Variants in RAB22A observed in about 807,000 individuals in gnomAD.
RAB22A encodes RAB22A, member RAS oncogene family, also known as ras-related protein Rab-22A.
In RAB22A, 13 loss-of-function variants were observed where a neutral mutation model predicts 30.2. That is an observed-to-expected ratio of 0.43 (90% CI 0.28 to 0.68). The LOEUF is 0.68. Among genes scored for constraint, RAB22A ranks in the 30% least tolerant of loss-of-function variants. RAB22A has a pLI of 0.18. For synonymous variants in RAB22A, 89 were observed against 87.2 expected (o/e 1.02, Z -0.11); for missense variants, 177 against 246.8 (o/e 0.72, Z 1.89).
intron 2 of RAB22A, among the ~76,000 whole-genome samples, chr20:58,340,825 C>T (rs568153232): frequency 6.6e-6 from 1 of 152,240 alleles, no homozygotes; most frequent in South Asian, 2.1e-4. Flanking sequence ...TGTCTATGGT[C>T]ATTAACATTT....
At chr20:58,311,896 A>C (rs1001025550) in intron 2 of RAB22A, among the ~76,000 whole-genome samples, 3 of 152,224 alleles carry the variant, frequency 2.0e-5, no homozygotes, top group Non-Finnish European at 4.4e-5. Flanking sequence ...TTTACAGCCC[A>C]GGAGAGAAAC....
intron 6 of RAB22A, among the ~76,000 whole-genome samples, chr20:58,357,469 G>T (rs1182928033): frequency 1.3e-5 from 2 of 152,126 alleles, no homozygotes; most frequent in Non-Finnish European, 2.9e-5. Flanking sequence ...CATATAATCT[G>T]ACTGATCCTT....
intron 6 of RAB22A, among the ~76,000 whole-genome samples, 160 bp from the exon 7 acceptor site, chr20:58,359,446 C>G (rs1987187168): frequency 6.6e-6 from 1 of 151,374 alleles, no homozygotes; most frequent in African/African-American, 2.4e-5. Flanking sequence ...ATCATCTTTG[C>G]AGCTTTTCTA....
At chr20:58,318,252 T>G (rs1297669755) in intron 2 of RAB22A, among the ~76,000 whole-genome samples, 2 of 152,234 alleles carry the variant, frequency 1.3e-5, no homozygotes, top group Non-Finnish European at 2.9e-5. Flanking sequence ...AAACCTGAAA[T>G]AGTGTTACGA....
chr20:58,314,114 TCTCG>T (rs1435883663), intron 2 of RAB22A, among the ~76,000 whole-genome samples: 1 of 151,624 alleles, frequency 6.6e-6, no homozygotes, highest in Non-Finnish European at 1.5e-5. Context: ...AATGACACGA[TCTCG>T]GCTCACTGCA....
chr20:58,316,111 CTG>C (rs1403752995), intron 2 of RAB22A, among the ~76,000 whole-genome samples: 1 of 152,144 alleles, frequency 6.6e-6, no homozygotes, highest in East Asian at 1.9e-4. Flanking sequence ...TCCTGATTGT[CTG>C]TGCAAACTCA....
chr20:58,328,623 TAACATTGTGTTGTGGATGC>T (rs1986608834), intron 2 of RAB22A, among the ~76,000 whole-genome samples: 1 of 152,190 alleles, frequency 6.6e-6, no homozygotes, highest in Non-Finnish European at 1.5e-5. Context: ...AAAAAGATGA[TAACATTGTGTTGTGGATGC>T]CCTCTTCACA....
intron 6 of RAB22A, among the ~76,000 whole-genome samples, chr20:58,357,201 T>A (rs1987145981): frequency 6.6e-6 from 1 of 152,260 alleles, no homozygotes; most frequent in Admixed American, 6.5e-5. Context: ...TCCATTTTCA[T>A]GACAGTTAAT....
In RAB22A at chr20:58,335,071, A is replaced by G. The variant is rs879822177; in HGVS notation, c.117-8647A>G. ...CGATATAGTCACGCAATTGAATACC[A>G]TCTGGCAATAAAAAAACACTGTAGA... On this transcript the variant is annotated intron_variant, in intron 2 of 6. Coordinates refer to ENST00000244040, the MANE Select transcript of RAB22A (RefSeq NM_020673.3). Among the ~76,000 whole-genome samples the G allele has an allele frequency of 3.3e-5, 5 of 152,344 alleles. No homozygotes were observed. The East Asian group carries it at 9.6e-4, about 29-fold the overall frequency.
In RAB22A at chr20:58,360,915, C is replaced by T. The variant is rs933474528; in HGVS notation, c.*1212C>T. On this transcript the variant is annotated 3_prime_UTR_variant, in exon 7 of 7. Transcript: ENST00000244040. Reference sequence around the variant, plus strand: ...TAGCCTGAGGGTAAAAGATTAAGCTCCAACCTCAAGTCATTTACCTGGTCT... The same window carrying T: ...TAGCCTGAGGGTAAAAGATTAAGCTTCAACCTCAAGTCATTTACCTGGTCT... 1.0e-4 allele frequency: 16 copies of T among 152,620 alleles called. No individual in the cohort carries two copies. The allele number at this position is 152,620 out of a possible 1,614,324, so 9.5% of individuals were successfully genotyped here.
chr20:58,326,475 G>T (rs999552497), intron 2 of RAB22A, among the ~76,000 whole-genome samples: 1 of 152,088 alleles, frequency 6.6e-6, no homozygotes, highest in African/African-American at 2.4e-5. Context: ...GCATGTCCCA[G>T]AGTTTTTTGT....
intron 3 of RAB22A, among the ~76,000 whole-genome samples, chr20:58,349,652 A>T (rs1191173344): frequency 6.6e-6 from 1 of 152,222 alleles, no homozygotes; most frequent in Non-Finnish European, 1.5e-5. Context: ...CACCTTGGGC[A>T]TTCCGATGAA....
chr20:58,334,831 T>C (rs1236959769), intron 2 of RAB22A, among the ~76,000 whole-genome samples: 2 of 151,950 alleles, frequency 1.3e-5, no homozygotes, highest in Non-Finnish European at 2.9e-5. Context: ...TCTTAGGGAA[T>C]AGCTAAAATT....
intron 2 of RAB22A, among the ~76,000 whole-genome samples, chr20:58,324,990 C>A (rs1302266257): frequency 3.4e-5 from 5 of 145,634 alleles, no homozygotes. Flanking sequence ...TCCTGGCCAA[C>A]ATGGTGAAAC....
At chr20:58,324,640 G>A (rs766204025) in intron 2 of RAB22A, among the ~76,000 whole-genome samples, 4 of 151,928 alleles carry the variant, frequency 2.6e-5, no homozygotes, top group Non-Finnish European at 4.4e-5. Flanking sequence ...AGGCCGAGGC[G>A]GGCAGATCAT....
intron 2 of RAB22A, among the ~76,000 whole-genome samples, chr20:58,341,305 G>A (rs2122957062): frequency 6.6e-6 from 1 of 152,332 alleles, no homozygotes; most frequent in African/African-American, 2.4e-5. Flanking sequence ...TAAGACGCAT[G>A]CCCAGCAGAC....
At chr20:58,330,243 A>G (rs191147964) in intron 2 of RAB22A, among the ~76,000 whole-genome samples, 30 of 152,306 alleles carry the variant, frequency 2.0e-4, no homozygotes, top group Admixed American at 1.8e-3. Flanking sequence ...CAGTGTGTCT[A>G]ATATTTTTCC....
rs762592126 is a variant in RAB22A, at chr20:58,362,880, C to CGCCT, written c.*3178_*3181dup. 6 of 152,170 alleles carry CGCCT rather than the reference C, an allele frequency of 3.9e-5. No individual in the cohort carries two copies. In the East Asian group the frequency reaches 7.7e-4, roughly 20 times the overall value. 9.4% of individuals were successfully genotyped at this position (152,170 alleles called of 1,614,324 possible). On this transcript the variant is annotated 3_prime_UTR_variant, in exon 7 of 7. Transcript: ENST00000244040. ...GGGACTTTTGTGTGAGAGGCTTGAG[C>CGCCT]GCCTCCTCTATGTGGGCTGGTGTCC...
At chr20:58,334,373 A>C (rs1421511686) in intron 2 of RAB22A, among the ~76,000 whole-genome samples, 3 of 152,060 alleles carry the variant, frequency 2.0e-5, no homozygotes, top group Non-Finnish European at 4.4e-5. Flanking sequence ...GAAGCTGAAT[A>C]CTGCCGTCCA....
Sources: allele counts gnomAD v4.1 joint callset (sites outside exome capture counted in the v4.1 genomes callset), GRCh38; gene constraint gnomAD v4.1.1; transcripts MANE v1.5; gene names NCBI Gene and HGNC (gene_info 2026-07-23, HGNC 2026-07-21).